PGPEP1L: variants seen among roughly 807,000 people sequenced by gnomAD.
PGPEP1L encodes the protein pyroglutamyl-peptidase I like, also known as pyroglutamyl-peptidase 1-like protein.
In PGPEP1L, 7 loss-of-function variants were observed where a neutral mutation model predicts 6.0. The ratio of observed to expected loss-of-function variants is 1.17; its 90% CI spans 0.66 to 2.19. The LOEUF (loss-of-function observed/expected upper bound fraction) is 2.19, where lower values mean the gene tolerates loss of function less well. Ranked by LOEUF, PGPEP1L falls within the 30% of genes most tolerant of loss-of-function variation. PGPEP1L has a pLI of 0.00. For missense variants in PGPEP1L, 209 were observed against 192.5 expected, an observed-to-expected ratio of 1.09 and a Z score of -0.51; for synonymous variants, 103 against 83.9, an observed-to-expected ratio of 1.23 and a Z score of -1.24.
At chr15:98,973,339 A>T (rs2017525428) in intron 2 of PGPEP1L, among the ~76,000 whole-genome samples, 1 of 152,258 alleles carries the variant, frequency 6.6e-6, no homozygotes, top group African/African-American at 2.4e-5. Context: ...ATTACAGTTA[A>T]ACTGCACTCT....
intron 2 of PGPEP1L, among the ~76,000 whole-genome samples, chr15:98,993,273 C>G (rs899382447): frequency 6.6e-6 from 1 of 152,106 alleles, no homozygotes. Context: ...ACAACCCCAT[C>G]AAAAAGTGGG....
intron 2 of PGPEP1L, among the ~76,000 whole-genome samples, chr15:98,995,262 T>G (rs112212028): frequency 0.012 from 1,819 of 152,346 alleles, 12 homozygotes; most frequent in Middle Eastern, 0.075. Context: ...AGTAGTATCT[T>G]CAGATCTGTC....
chr15:98,999,602 T>C (rs1020646238), intron 2 of PGPEP1L, among the ~76,000 whole-genome samples: 3 of 152,236 alleles, frequency 2.0e-5, no homozygotes, highest in Non-Finnish European at 4.4e-5. Flanking sequence ...AAACTTATTT[T>C]CATACAGAAG....
chr15:99,004,694 G>A (rs1555473413), intron 2 of PGPEP1L, among the ~76,000 whole-genome samples: 1 of 152,200 alleles, frequency 6.6e-6, no homozygotes, highest in Non-Finnish European at 1.5e-5. Context: ...CTCTAGCCTA[G>A]CGACAGAACA....
chr15:98,969,363 G>A (rs1596508515), intron 4 of PGPEP1L, 62 bp downstream of exon 4: 1 of 1,594,486 alleles, frequency 6.3e-7, no homozygotes, highest in South Asian at 1.1e-5. Flanking sequence ...GAGGTCGGGG[G>A]GACGCTGACG....
At chr15:98,986,404 C>A (rs2017747674) in intron 2 of PGPEP1L, among the ~76,000 whole-genome samples, 1 of 152,306 alleles carries the variant, frequency 6.6e-6, no homozygotes. Context: ...CATAAGGAAT[C>A]TCCAATAAAA....
Position 98,968,231 on chromosome 15 carries a change from A to G in PGPEP1L, c.*247T>C. ...GTAGATTTTTGGAAGAAAACAGATG[A>G]CTCGGATTTCATTTTATTGTCATGA... On this transcript the variant is annotated 3_prime_UTR_variant, in exon 5 of 5. Coordinates refer to ENST00000535714, the MANE Select transcript of PGPEP1L (RefSeq NM_001167902.2). 2 of 487,166 alleles carry G rather than the reference A, an allele frequency of 4.1e-6. No individual in the cohort carries two copies. Among genetic ancestry groups the G allele is most frequent in the Non-Finnish European group, 7.5e-6 (2 of 268,396 alleles). 30.2% of individuals were successfully genotyped at this position (487,166 alleles called of 1,614,324 possible). A position where few individuals can be genotyped will look rare whatever the true frequency, so the allele number is the denominator to read the frequency against.
chr15:99,004,662 G>A (rs2018022850), intron 2 of PGPEP1L, among the ~76,000 whole-genome samples: 1 of 152,228 alleles, frequency 6.6e-6, no homozygotes, highest in Non-Finnish European at 1.5e-5. Flanking sequence ...AGGCTGCAGT[G>A]AGCTGAGCTT....
At chr15:99,001,324 T>G (rs548591703) in intron 2 of PGPEP1L, 49 of 224,276 alleles carry the variant, frequency 2.2e-4, no homozygotes, top group South Asian at 2.1e-3. Context: ...GTAAAATGAT[T>G]CCATTTATAT....
chr15:98,977,136 G>T (rs2017582401), intron 2 of PGPEP1L, among the ~76,000 whole-genome samples: 2 of 150,748 alleles, frequency 1.3e-5, no homozygotes, highest in Non-Finnish European at 3.0e-5. Context: ...TTTTTTTCTT[G>T]ATCAATCTAA....
chr15:98,971,508 A>T (rs2017497336), intron 2 of PGPEP1L, among the ~76,000 whole-genome samples: 1 of 152,190 alleles, frequency 6.6e-6, no homozygotes. Flanking sequence ...AAAAGAAAAG[A>T]AAAGAAAAAT....
intron 2 of PGPEP1L, among the ~76,000 whole-genome samples, chr15:98,981,398 G>A (rs937894570): frequency 2.7e-5 from 4 of 150,556 alleles, no homozygotes; most frequent in Non-Finnish European, 5.9e-5. Context: ...GCTGAGGCAG[G>A]AGAATGGCGT....
intron 2 of PGPEP1L, among the ~76,000 whole-genome samples, chr15:98,981,750 A>G (rs2151758860): frequency 6.6e-6 from 1 of 152,344 alleles, no homozygotes; most frequent in Non-Finnish European, 1.5e-5. Context: ...CAAGGTTAAT[A>G]ATGGGAAGAA....
At chr15:98,976,783 A>T (rs1482896439) in intron 2 of PGPEP1L, among the ~76,000 whole-genome samples, 1 of 152,210 alleles carries the variant, frequency 6.6e-6, no homozygotes, top group African/African-American at 2.4e-5. Flanking sequence ...CATCTCAGAG[A>T]CATGAGTAAA....
At chr15:98,992,895 T>A (rs2017837907) in intron 2 of PGPEP1L, among the ~76,000 whole-genome samples, 1 of 152,228 alleles carries the variant, frequency 6.6e-6, no homozygotes, top group African/African-American at 2.4e-5. Context: ...GCTAGCCATA[T>A]GCAGAAAGCT....
At chr15:98,972,595 A>G (rs975096463) in intron 2 of PGPEP1L, among the ~76,000 whole-genome samples, 4 of 152,050 alleles carry the variant, frequency 2.6e-5, no homozygotes, top group African/African-American at 9.7e-5. Context: ...TGGGCCGGGC[A>G]CAGTGGCTCA....
At chr15:98,973,516 GACC>G (rs1183511047) in intron 2 of PGPEP1L, among the ~76,000 whole-genome samples, 2 of 152,154 alleles carry the variant, frequency 1.3e-5, no homozygotes, top group East Asian at 1.9e-4. Context: ...TATCTTTTCT[GACC>G]ACAATGGACT....
chr15:98,996,793 G>A (rs887127659), intron 2 of PGPEP1L, among the ~76,000 whole-genome samples: 3 of 152,100 alleles, frequency 2.0e-5, no homozygotes, highest in African/African-American at 7.2e-5. Flanking sequence ...TACCTTATCT[G>A]TGAATCATCA....
chr15:98,997,599 T>C (rs563981483), intron 2 of PGPEP1L, among the ~76,000 whole-genome samples: 3 of 152,136 alleles, frequency 2.0e-5, no homozygotes, highest in African/African-American at 7.2e-5. Flanking sequence ...AATAAACATG[T>C]TGTTTATGAC....
Sources: gnomAD v4.1 joint callset for allele counts (sites outside exome capture counted in the v4.1 genomes callset) on GRCh38, gnomAD v4.1.1 for gene constraint, MANE v1.5 for transcripts, NCBI Gene and HGNC (gene_info 2026-07-23, HGNC 2026-07-21) for gene names.